SEMA6D: variants seen among roughly 807,000 people sequenced by gnomAD.
SEMA6D encodes the protein semaphorin-6D.
A neutral mutation model predicts 106.6 loss-of-function variants in SEMA6D; 35 were observed. The ratio of observed to expected loss-of-function variants is 0.33; its 90% CI spans 0.25 to 0.44. The LOEUF (loss-of-function observed/expected upper bound fraction) is 0.44, where lower values mean the gene tolerates loss of function less well. Among genes scored for constraint, SEMA6D ranks in the 20% least tolerant of loss-of-function variants. The pLI is 1.00. For synonymous variants in SEMA6D, 499 were observed against 487.7 expected, an observed-to-expected ratio of 1.02 and a Z score of -0.31; for missense variants, 1,185 against 1,345.9, an observed-to-expected ratio of 0.88 and a Z score of 1.87.
chr15:47,658,067 A>C (rs551618835), intron 4 of SEMA6D, among the ~76,000 whole-genome samples: 1 of 152,178 alleles, frequency 6.6e-6, no homozygotes, highest in South Asian at 2.1e-4. Context: ...CCTTACTTTA[A>C]TGTGATATTT....
At chr15:47,584,513 C>T (rs11633288) in intron 3 of SEMA6D, among the ~76,000 whole-genome samples, 63,997 of 151,890 alleles carry the variant, frequency 0.42, 15,030 homozygotes, top group South Asian at 0.53. Context: ...CTGATTTATT[C>T]AGCCCCTGGC....
intron 4 of SEMA6D, among the ~76,000 whole-genome samples, chr15:47,611,408 C>G (rs1326672848): frequency 6.6e-6 from 1 of 152,054 alleles, no homozygotes. Flanking sequence ...AAAATAGTCA[C>G]AATTTTTAAG....
intron 1 of SEMA6D, among the ~76,000 whole-genome samples, chr15:47,726,578 G>A (rs2079767224): frequency 6.6e-6 from 1 of 152,174 alleles, no homozygotes; most frequent in Non-Finnish European, 1.5e-5. Flanking sequence ...GAGTTTTGGA[G>A]TGTGACTGAT....
chr15:47,619,607 G>A (rs1417130338), intron 4 of SEMA6D, among the ~76,000 whole-genome samples: 3 of 152,116 alleles, frequency 2.0e-5, no homozygotes, highest in Non-Finnish European at 4.4e-5. Flanking sequence ...TGAAATTCAG[G>A]CCCACTAGAC....
intron 1 of SEMA6D, among the ~76,000 whole-genome samples, chr15:47,343,010 G>C (rs1025403503): frequency 6.6e-6 from 1 of 152,134 alleles, no homozygotes; most frequent in Admixed American, 6.5e-5. Context: ...ACTGCGCCCA[G>C]CCCTCAAATT....
chr15:47,657,601 T>G (rs569403146), intron 4 of SEMA6D, among the ~76,000 whole-genome samples: 321 of 151,920 alleles, frequency 2.1e-3, no homozygotes, highest in Admixed American at 3.6e-3. Context: ...ATAATGCATG[T>G]TCTCCTTTTT....
intron 1 of SEMA6D, among the ~76,000 whole-genome samples, chr15:47,292,666 C>T (rs536645169): frequency 1.2e-4 from 18 of 152,096 alleles, no homozygotes; most frequent in East Asian, 7.7e-4. Context: ...GACAAATAAA[C>T]GTGATAAGGG....
At position 47,186,069 on chromosome 15, in the gene SEMA6D, G is replaced by A. The variant is rs531842813; in HGVS notation, c.-239+1651G>A. ...TATATGTGTATATATGTATGTATGT[G>A]TGCATGTATATATATGTGTGTGCAT... is the stretch of plus-strand genomic sequence containing the variant. On this transcript the variant is annotated intron_variant, in intron 1 of 19. Transcript: ENST00000558014. Among the ~76,000 whole-genome samples, 7 of 152,052 alleles carry A rather than the reference G, an allele frequency of 4.6e-5. No individual in the cohort carries two copies. In the South Asian group the frequency reaches 1.5e-3, roughly 32 times the overall value.
Position 47,203,671 on chromosome 15 carries a change from T to C in SEMA6D, c.-239+19253T>C, listed in dbSNP as rs553746270. Among the ~76,000 whole-genome samples the C allele has an allele frequency of 2.0e-5, 3 of 152,314 alleles. No individual in the cohort carries two copies. In the East Asian group the frequency reaches 5.8e-4, roughly 29 times the overall value. ...GTATGTAAAACATTTGTTATGCTTT[T>C]CTCTAGGTAACCTGTTTTTGTAATA... On this transcript the variant is annotated intron_variant, in intron 1 of 19. Transcript: ENST00000558014.
At chr15:47,345,023 G>A (rs1036710165) in intron 1 of SEMA6D, among the ~76,000 whole-genome samples, 7 of 152,046 alleles carry the variant, frequency 4.6e-5, no homozygotes, top group African/African-American at 1.4e-4. Flanking sequence ...CTGAAAACTA[G>A]ATTTCAGTTG....
At chr15:47,214,676 A>G (rs1307667999) in intron 1 of SEMA6D, among the ~76,000 whole-genome samples, 1 of 152,194 alleles carries the variant, frequency 6.6e-6, no homozygotes, top group East Asian at 1.9e-4. Context: ...CTGCCCTGAT[A>G]CAAATAAATA....
intron 3 of SEMA6D, among the ~76,000 whole-genome samples, chr15:47,471,457 A>T (rs2042835042): frequency 6.6e-6 from 1 of 152,158 alleles, no homozygotes; most frequent in African/African-American, 2.4e-5. Flanking sequence ...TATGATATAC[A>T]CCTTGCTTAA....
chr15:47,360,044 T>G (rs1424192417), intron 1 of SEMA6D: 1 of 152,186 alleles, frequency 6.6e-6, no homozygotes, highest in Non-Finnish European at 1.5e-5. Flanking sequence ...TTTCTTCTTT[T>G]TTTTTTCTAG....
chr15:47,769,185 C>T (rs1047880178), intron 18 of SEMA6D, among the ~76,000 whole-genome samples: 2 of 152,146 alleles, frequency 1.3e-5, no homozygotes, highest in Non-Finnish European at 2.9e-5. Flanking sequence ...ATGTGAGATG[C>T]TAAGTTGCTT....
intron 3 of SEMA6D, among the ~76,000 whole-genome samples, chr15:47,567,862 T>C (rs1389036336): frequency 6.6e-6 from 1 of 152,068 alleles, no homozygotes; most frequent in Non-Finnish European, 1.5e-5. Flanking sequence ...AATGAATGAA[T>C]GAAATCACTA....
At chr15:47,741,720 A>T (rs1041431796) in intron 1 of SEMA6D, among the ~76,000 whole-genome samples, 2 of 152,236 alleles carry the variant, frequency 1.3e-5, no homozygotes, top group South Asian at 4.1e-4. Flanking sequence ...ATCTAAAAAA[A>T]AAAAGTAAAA....
chr15:47,363,199 C>G (rs1457462447), intron 1 of SEMA6D, among the ~76,000 whole-genome samples: 1 of 152,090 alleles, frequency 6.6e-6, no homozygotes, highest in East Asian at 1.9e-4. Flanking sequence ...AAAGAGGTAA[C>G]CTATCCAGGG....
At chr15:47,310,548 A>G (rs1246579182) in intron 1 of SEMA6D, among the ~76,000 whole-genome samples, 1 of 151,988 alleles carries the variant, frequency 6.6e-6, no homozygotes, top group Non-Finnish European at 1.5e-5. Flanking sequence ...TGGGGACAAA[A>G]TTAATGCTGT....
At chr15:47,755,913 A>G (rs2081699538) in intron 1 of SEMA6D, among the ~76,000 whole-genome samples, 1 of 151,328 alleles carries the variant, frequency 6.6e-6, no homozygotes, top group South Asian at 2.1e-4. Context: ...TCAAGTCTCC[A>G]TAAGGTAAAA....
Sources: allele counts gnomAD v4.1 joint callset (sites outside exome capture counted in the v4.1 genomes callset), GRCh38; gene constraint gnomAD v4.1.1; transcripts MANE v1.5; gene names NCBI Gene and HGNC (gene_info 2026-07-23, HGNC 2026-07-21).